The following MAMLD1 variants were observed in gnomAD, a reference collection of about 807,000 sequenced individuals.
The protein encoded by MAMLD1 is mastermind like domain containing 1, also known as mastermind-like domain-containing protein 1.
A neutral mutation model predicts 45.0 loss-of-function variants in MAMLD1; 14 were observed. That is an observed-to-expected ratio of 0.31 (90% CI 0.21 to 0.49). The LOEUF (loss-of-function observed/expected upper bound fraction) is 0.49. MAMLD1 is among the 20% of genes least tolerant of loss of function. MAMLD1 has a pLI of 0.99. For synonymous variants in MAMLD1, 254 were observed against 247.8 expected (o/e 1.02, Z -0.24); for missense variants, 543 against 603.6 (o/e 0.90, Z 1.05).
chrX:150,459,221 C>T (rs1557405491), intron 2 of MAMLD1, among the ~76,000 whole-genome samples: 1 of 111,431 alleles, frequency 9.0e-6, no homozygotes, highest in Non-Finnish European at 1.9e-5. Flanking sequence ...ACTGTGTGTT[C>T]CCCCAGGAGG....
intron 5 of MAMLD1, among the ~76,000 whole-genome samples, chrX:150,482,641 G>C (rs1305904949): frequency 8.9e-6 from 1 of 112,546 alleles, no homozygotes; most frequent in African/African-American, 3.2e-5. Context: ...AAAAGAAGCA[G>C]CAAGCTGAAC....
intron 6 of MAMLD1, chrX:150,509,657 T>C: frequency 3.0e-6 from 1 of 330,242 alleles, no homozygotes; most frequent in South Asian, 4.1e-5. Flanking sequence ...TGACCCATCC[T>C]GAGCAGATGG....
chrX:150,478,020 T>C (rs2036635566), intron 5 of MAMLD1, among the ~76,000 whole-genome samples: 1 of 112,182 alleles, frequency 8.9e-6, no homozygotes, highest in South Asian at 3.7e-4. Context: ...CTCTCACTCC[T>C]AAAGCCTCCA....
intron 5 of MAMLD1, among the ~76,000 whole-genome samples, chrX:150,486,624 G>T (rs2036996965): frequency 9.0e-6 from 1 of 111,210 alleles, no homozygotes; most frequent in Non-Finnish European, 1.9e-5. Flanking sequence ...CTCCCAAAAT[G>T]CCCACACTTA....
Position 150,512,372 on chromosome X carries a change from C to T in MAMLD1, c.*413C>T, listed in dbSNP as rs782780817. On this transcript the variant is annotated 3_prime_UTR_variant, in exon 8 of 8. Transcript: ENST00000370401. ...GTCCTTGAGTCCCCACCAGCTCAGA[C>T]GGCCTAGTGTGCCAAGAATGCCCAC... The T allele has an allele frequency of 6.9e-5, 78 of 1,138,014 alleles. No homozygotes were observed. Among genetic ancestry groups the T allele is most frequent in the South Asian group, 5.2e-4 (26 of 50,052 alleles). 93.8% of individuals were successfully genotyped at this position (1,138,014 alleles called of 1,213,427 possible).
In MAMLD1 at chrX:150,380,861, A is replaced by AT. The variant is rs782659021; in HGVS notation, c.-64+17344dup. ...GTGTGCCACAACCACACTTGGCTAA[A>AT]TTTTTTTTTTTTTAATGTTTTGTAG... On this transcript the variant is annotated intron_variant, in intron 1 of 7. Transcript: ENST00000370401. 6.1e-3 allele frequency among the ~76,000 whole-genome samples: 628 copies of AT among 102,750 alleles called. 3 individuals are homozygous for AT. The highest frequency in any genetic ancestry group is 0.02 in the African/African-American group (555 of 28,376). The allele number at this position is 102,750 out of a possible 115,157, so 89.2% of individuals were successfully genotyped here.
Position 150,469,653 on chromosome X carries a change from C to CTGTGTGTG in MAMLD1, c.172-91_172-90insGTGTGTGT, listed in dbSNP as rs1557406178. On this transcript the variant is annotated intron_variant, in intron 3 of 7. Transcript: ENST00000370401. ...TCTCTCTGTCTCTCTCTCTCTCTCT[C>CTGTGTGTG]TCTGTGTGTGTGTGTGTGTGTGTGT... is the stretch of plus-strand genomic sequence containing the variant. 1.8e-4 allele frequency: 86 copies of CTGTGTGTG among 482,991 alleles called. 1 individual carries two copies. The African/African-American group carries it at 2.0e-3, about 11-fold the overall frequency. 39.8% of individuals were successfully genotyped at this position (482,991 alleles called of 1,213,427 possible). A position where few individuals can be genotyped will look rare whatever the true frequency, so the allele number is the denominator to read the frequency against.
chrX:150,442,297 A>T (rs1392914146), intron 1 of MAMLD1, among the ~76,000 whole-genome samples: 1 of 111,395 alleles, frequency 9.0e-6, no homozygotes, highest in Non-Finnish European at 1.9e-5. Flanking sequence ...TTATTGATAA[A>T]TTAGTGCTTA....
intron 1 of MAMLD1, among the ~76,000 whole-genome samples, chrX:150,403,588 C>A (rs2033875313): frequency 9.0e-6 from 1 of 110,946 alleles, no homozygotes; most frequent in Non-Finnish European, 1.9e-5. Context: ...TTCAGCTAAG[C>A]AGTGGGCAGC....
intron 1 of MAMLD1, among the ~76,000 whole-genome samples, chrX:150,403,453 A>T (rs2033871537): frequency 8.9e-6 from 1 of 111,873 alleles, no homozygotes; most frequent in Non-Finnish European, 1.9e-5. Context: ...GGCCAATTTT[A>T]TGTTATGTAG....
At chrX:150,369,972 CTT>C (rs1271886431) in intron 1 of MAMLD1, among the ~76,000 whole-genome samples, 2 of 108,478 alleles carry the variant, frequency 1.8e-5, no homozygotes, top group African/African-American at 6.7e-5. Context: ...AAGAAGGACT[CTT>C]TATCCTCTGA....
chrX:150,430,717 G>C (rs1179331570), intron 1 of MAMLD1, among the ~76,000 whole-genome samples: 3 of 112,027 alleles, frequency 2.7e-5, no homozygotes, highest in African/African-American at 9.7e-5. Context: ...TGTTGAAAAG[G>C]CTATTATTCC....
intron 3 of MAMLD1, among the ~76,000 whole-genome samples, chrX:150,463,276 C>T (rs1557405720): frequency 8.9e-6 from 1 of 111,861 alleles, no homozygotes; most frequent in Admixed American, 9.4e-5. Flanking sequence ...GTAATCATCT[C>T]TATCCCACTA....
chrX:150,421,653 G>A (rs1426393964), intron 1 of MAMLD1, among the ~76,000 whole-genome samples: 1 of 112,275 alleles, frequency 8.9e-6, no homozygotes, highest in Admixed American at 9.4e-5. Context: ...AAAATGCCGA[G>A]TGACAACTGC....
At chrX:150,454,484 T>C (rs2035775994) in intron 2 of MAMLD1, among the ~76,000 whole-genome samples, 1 of 112,224 alleles carries the variant, frequency 8.9e-6, no homozygotes, top group African/African-American at 3.2e-5. Context: ...TGGCAGCATA[T>C]TAACAAACAA....
chrX:150,470,615 C>A lies in MAMLD1; in HGVS notation c.1042C>A (p.Pro348Thr). Residue 348 changes from proline (P) to threonine (T), a missense_variant, in exon 4 of 8, where the codon CCA (proline) becomes ACA (threonine). Pro to Thr is a conservative substitution (Grantham distance 38). Coordinates refer to ENST00000370401, the MANE Select transcript of MAMLD1 (RefSeq NM_005491.5). ...PPYRPVPSPH[P>T]PPLPLPPPPP... ...TTACCGCCCAGTGCCATCACCACAC[C>A]CACCACCGCTGCCACTGCCACCACC... 8.3e-7 allele frequency: 1 copy of A among 1,211,892 alleles called. No homozygotes were observed. Among genetic ancestry groups the A allele is most frequent in the African/African-American group, 1.7e-5 (1 of 57,856 alleles).
chrX:150,496,096 C>A lies in MAMLD1; in HGVS notation c.2041-7178C>A, dbSNP rs782475401. ...TAAACTGCTGTCTAATTCCAGAAGTCTCCAAAGGAAATCCTGCCACTCCCT... is the reference window on the plus strand; with the variant it reads ...TAAACTGCTGTCTAATTCCAGAAGTATCCAAAGGAAATCCTGCCACTCCCT... On this transcript the variant is annotated intron_variant, in intron 5 of 7. Coordinates refer to ENST00000370401, the MANE Select transcript of MAMLD1 (RefSeq NM_005491.5). Among the ~76,000 whole-genome samples, 12 of 112,872 alleles carry A rather than the reference C, an allele frequency of 1.1e-4. No homozygotes were observed. In the East Asian group the frequency reaches 3.3e-3, roughly 31 times the overall value.
chrX:150,473,760 C>T lies in MAMLD1; in HGVS notation c.1998C>T (p.Ser666=). The T allele has an allele frequency of 1.7e-6, 2 of 1,208,684 alleles. No individual in the cohort carries two copies. Among genetic ancestry groups the T allele is most frequent in the Non-Finnish European group, 2.2e-6 (2 of 892,470 alleles). Residue 666 remains serine, a synonymous_variant, in exon 5 of 8, where the codon AGC becomes AGT. Coordinates refer to ENST00000370401, the MANE Select transcript of MAMLD1 (RefSeq NM_005491.5). ...PQHQHGNSFT[S]RQDPQPGDVS... is the part of the protein sequence containing the mutation. ...ATCAACACGGGAACTCTTTCACTAG[C>T]AGGCAAGATCCTCAGCCTGGAGACG...
intron 2 of MAMLD1, among the ~76,000 whole-genome samples, chrX:150,449,060 C>T (rs868933405): frequency 8.9e-6 from 1 of 111,779 alleles, no homozygotes; most frequent in Non-Finnish European, 1.9e-5. Flanking sequence ...AAGCGACTCA[C>T]TCTATAGATT....
Sources: gnomAD v4.1 joint callset for allele counts (sites outside exome capture counted in the v4.1 genomes callset) on GRCh38, gnomAD v4.1.1 for gene constraint, MANE v1.5 for transcripts, NCBI Gene and HGNC (gene_info 2026-07-23, HGNC 2026-07-21) for gene names.